Variants in HMBOX1 observed in about 807,000 individuals in gnomAD.
HMBOX1 encodes the protein homeobox containing 1, also known as homeobox-containing protein 1.
HMBOX1 carries 14 observed loss-of-function variants against 54.5 expected under a neutral mutation model. That is an observed-to-expected ratio of 0.26 (90% CI 0.17 to 0.40). The LOEUF (loss-of-function observed/expected upper bound fraction) is 0.40. HMBOX1 is among the 10% of genes least tolerant of loss of function. The probability of loss-of-function intolerance (pLI) is 1.00; values close to 1 mark genes in which losing one functional copy is unlikely to be tolerated. For missense variants in HMBOX1, 332 were observed against 514.4 expected, an observed-to-expected ratio of 0.65 and a Z score of 3.43; for synonymous variants, 160 against 181.0, an observed-to-expected ratio of 0.88 and a Z score of 0.93.
At chr8:28,969,196 A>G (rs1586167741) in intron 2 of HMBOX1, among the ~76,000 whole-genome samples, 1 of 152,120 alleles carries the variant, frequency 6.6e-6, no homozygotes, top group East Asian at 1.9e-4. Context: ...AACAACAACA[A>G]CAAAGGGATT....
chr8:29,026,365 G>T (rs1006006321), intron 6 of HMBOX1, among the ~76,000 whole-genome samples: 5 of 152,104 alleles, frequency 3.3e-5, no homozygotes, highest in Non-Finnish European at 7.4e-5. Context: ...GAGGATAGGG[G>T]TGTTGGGTGG....
intron 1 of HMBOX1, among the ~76,000 whole-genome samples, chr8:28,948,531 A>G (rs1436700696): frequency 1.3e-5 from 2 of 152,200 alleles, no homozygotes; most frequent in East Asian, 1.9e-4. Flanking sequence ...ATGGCCAGCT[A>G]TGGAGGGCTT....
intron 4 of HMBOX1, among the ~76,000 whole-genome samples, chr8:28,997,967 G>C (rs1437542907): frequency 1.3e-5 from 2 of 152,178 alleles, no homozygotes; most frequent in African/African-American, 4.8e-5. Flanking sequence ...AGTTTGTGAA[G>C]AGTTGTTAAT....
chr8:28,918,671 T>C (rs573970476), intron 1 of HMBOX1, among the ~76,000 whole-genome samples: 3 of 152,348 alleles, frequency 2.0e-5, no homozygotes, highest in South Asian at 2.1e-4. Context: ...ACTCGTGAAA[T>C]GTTTGTGCTG....
intron 2 of HMBOX1, among the ~76,000 whole-genome samples, chr8:28,966,376 A>T (rs1013370586): frequency 6.6e-6 from 1 of 152,214 alleles, no homozygotes; most frequent in Non-Finnish European, 1.5e-5. Flanking sequence ...AATTCTTCTC[A>T]CATCATTTTC....
intron 1 of HMBOX1, among the ~76,000 whole-genome samples, chr8:28,917,317 G>T (rs1308643211): frequency 6.6e-6 from 1 of 151,880 alleles, no homozygotes; most frequent in Non-Finnish European, 1.5e-5. Context: ...TTATGATTTT[G>T]GTGCTATTAT....
At chr8:28,915,181 C>T (rs549775049) in intron 1 of HMBOX1, among the ~76,000 whole-genome samples, 2 of 152,068 alleles carry the variant, frequency 1.3e-5, no homozygotes, top group South Asian at 4.1e-4. Flanking sequence ...GAATATAATG[C>T]CTATTACATT....
chr8:29,009,757 G>T (rs1256702801), intron 5 of HMBOX1: 1 of 1,281,132 alleles, frequency 7.8e-7, no homozygotes, highest in South Asian at 1.3e-5. Flanking sequence ...AGAAAACTAA[G>T]ATGACAAAAA....
chr8:28,934,196 C>G (rs1000971582), intron 1 of HMBOX1, among the ~76,000 whole-genome samples: 1 of 152,134 alleles, frequency 6.6e-6, no homozygotes, highest in Non-Finnish European at 1.5e-5. Flanking sequence ...ATATGATTCA[C>G]CATATTAACA....
At chr8:28,992,795 G>A (rs978210774) in intron 4 of HMBOX1, among the ~76,000 whole-genome samples, 12 of 150,670 alleles carry the variant, frequency 8.0e-5, no homozygotes, top group African/African-American at 2.9e-4. Flanking sequence ...GTGTGAACCT[G>A]GGAGGTGGAG....
intron 5 of HMBOX1, among the ~76,000 whole-genome samples, chr8:29,014,864 C>T (rs1586490140): frequency 6.6e-6 from 1 of 151,914 alleles, no homozygotes; most frequent in Non-Finnish European, 1.5e-5. Flanking sequence ...ATTTTTAGTA[C>T]AGACAGGGTT....
chr8:29,035,193 A>G (rs1450338254), intron 6 of HMBOX1, among the ~76,000 whole-genome samples: 1 of 152,178 alleles, frequency 6.6e-6, no homozygotes, highest in African/African-American at 2.4e-5. Flanking sequence ...ATAGCCTTTT[A>G]GTCAGAGGTA....
intron 1 of HMBOX1, among the ~76,000 whole-genome samples, chr8:28,941,512 C>G (rs1821413384): frequency 6.6e-6 from 1 of 152,070 alleles, no homozygotes; most frequent in African/African-American, 2.4e-5. Flanking sequence ...AGGAAAAAAA[C>G]CTGGCACTTA....
chr8:28,946,871 C>T (rs1822571078), intron 1 of HMBOX1, among the ~76,000 whole-genome samples: 1 of 152,112 alleles, frequency 6.6e-6, no homozygotes, highest in African/African-American at 2.4e-5. Flanking sequence ...TTGTATGGCA[C>T]ATTGTAGTTT....
intron 1 of HMBOX1, among the ~76,000 whole-genome samples, chr8:28,955,369 C>T: frequency 6.6e-6 from 1 of 152,050 alleles, no homozygotes; most frequent in East Asian, 1.9e-4. Context: ...TTCTTCTATG[C>T]TCTTGTACAT....
rs752864202 is a variant in HMBOX1, at chr8:28,970,436, A to C, written c.417A>C (p.Ala139=). 1 of 1,614,040 alleles carries C rather than the reference A, an allele frequency of 6.2e-7. No individual in the cohort carries two copies. The highest frequency in any genetic ancestry group is 8.5e-7 in the Non-Finnish European group (1 of 1,179,920). ...AGATGTCACCAACTCGCTACCATGCAAACAGCATGGGTCAGAGGTCATACA... is the reference window on the plus strand; with the variant it reads ...AGATGTCACCAACTCGCTACCATGCCAACAGCATGGGTCAGAGGTCATACA... ...NGKMSPTRYH[A]NSMGQRSYSF... is the part of the protein sequence containing the mutation. Residue 139 remains alanine, a synonymous_variant, in exon 3 of 10, where the codon GCA becomes GCC. Transcript: ENST00000287701. This position sits in a 1 kb window ranked among gnomAD's most constrained non-coding sequence, Gnocchi z 4.3.
rs76050813 is a variant in HMBOX1, at chr8:28,923,443, A to C, written c.-58+32765A>C. Among the ~76,000 whole-genome samples, 871 of 152,348 alleles carry C rather than the reference A, an allele frequency of 5.7e-3. 4 individuals carry two copies. Among genetic ancestry groups the C allele is most frequent in the African/African-American group, 0.02 (846 of 41,586 alleles). On this transcript the variant is annotated intron_variant, in intron 1 of 9. Coordinates refer to ENST00000287701, the MANE Select transcript of HMBOX1 (RefSeq NM_001135726.3). The stretch of plus-strand genomic sequence containing the variant: ...AAATTGATGGATATTGCTATGAAAT[A>C]AGAGCTAAAACCAGGAGCTAACGAA...
In HMBOX1 at chr8:28,957,574, A is replaced by ACAAG. The variant is rs538470926; in HGVS notation, c.-57-6234_-57-6233insGCAA. On this transcript the variant is annotated intron_variant, in intron 1 of 9. Coordinates refer to ENST00000287701, the MANE Select transcript of HMBOX1 (RefSeq NM_001135726.3). ...TTGAGTCTAAAATAAAAGTTGAAAA[A>ACAAG]CAAAGCCTTTCTGCTCTATTAGGTC... Among the ~76,000 whole-genome samples, 10 of 151,994 alleles carry ACAAG rather than the reference A, an allele frequency of 6.6e-5. No homozygotes were observed. In the South Asian group the frequency reaches 2.1e-3, roughly 32 times the overall value.
At chr8:29,026,177 C>T (rs938294602) in intron 6 of HMBOX1, among the ~76,000 whole-genome samples, 20 of 152,224 alleles carry the variant, frequency 1.3e-4, no homozygotes, top group African/African-American at 4.3e-4. Context: ...TGTGCATTTT[C>T]TCCTTCTCTG....
Sources: allele counts gnomAD v4.1 joint callset (sites outside exome capture counted in the v4.1 genomes callset), GRCh38; gene constraint gnomAD v4.1.1; non-coding constraint Gnocchi (gnomAD v3.1); transcripts MANE v1.5; gene names NCBI Gene and HGNC (gene_info 2026-07-23, HGNC 2026-07-21).